The following TENM3 variants were observed in gnomAD, a reference collection of about 807,000 sequenced individuals.
TENM3 encodes teneurin-3.
TENM3 carries 63 observed loss-of-function variants against 255.1 expected under a neutral mutation model. The observed-to-expected ratio is 0.25, with a 90% confidence interval of 0.20 to 0.30. TENM3 has a LOEUF of 0.30. Among genes scored for constraint, TENM3 ranks in the 10% least tolerant of loss-of-function variants. TENM3 has a pLI of 1.00. For missense variants in TENM3, 2,929 were observed against 3,461.1 expected, an observed-to-expected ratio of 0.85 and a Z score of 3.86; for synonymous variants, 1,306 against 1,322.3, an observed-to-expected ratio of 0.99 and a Z score of 0.27.
intron 4 of TENM3, among the ~76,000 whole-genome samples, chr4:182,624,575 T>C (rs1379638982): frequency 6.6e-6 from 1 of 152,096 alleles, no homozygotes; most frequent in Admixed American, 6.5e-5. Context: ...CCAGCTCCCC[T>C]CAGGTTCTCC....
At chr4:182,371,078 C>A (rs1314337511) in intron 3 of TENM3, among the ~76,000 whole-genome samples, 1 of 152,084 alleles carries the variant, frequency 6.6e-6, no homozygotes, top group Non-Finnish European at 1.5e-5. Flanking sequence ...AGACTGTTAT[C>A]CTTTCTTTCT....
At chr4:182,745,248 T>C (rs1016624156) in intron 19 of TENM3, among the ~76,000 whole-genome samples, 1 of 152,184 alleles carries the variant, frequency 6.6e-6, no homozygotes, top group African/African-American at 2.4e-5. Context: ...TTTCCTGAGA[T>C]CCCCTATTGA....
At position 182,731,123 on chromosome 4, in the gene TENM3, T is replaced by C; in HGVS notation, c.2951T>C (p.Ile984Thr). 6.2e-7 allele frequency: 1 copy of C among 1,613,636 alleles called. No homozygotes were observed. The highest frequency in any genetic ancestry group is 8.5e-7 in the Non-Finnish European group (1 of 1,179,764). The change falls in exon 16 of 28, where the codon ATC becomes ACC. Residue 984 changes from isoleucine (I) to threonine (T), a missense_variant. This residue lies in a region of TENM3 where 1,608 missense variants were observed against 1,884.4 expected (regional missense o/e 0.85). Coordinates refer to ENST00000511685, the MANE Select transcript of TENM3 (RefSeq NM_001080477.4). ...FFRSSPEDSPIIPETQVLHEE... is the reference protein window; with the variant it reads ...FFRSSPEDSPTIPETQVLHEE... ...AGATCTTCTCCTGAAGACAGTCCCA[T>C]CATTCCCGAAACACAGGTAAAATAT...
At chr4:182,771,157 G>A (rs1764174682) in intron 22 of TENM3, among the ~76,000 whole-genome samples, 1 of 152,218 alleles carries the variant, frequency 6.6e-6, no homozygotes, top group Non-Finnish European at 1.5e-5. Context: ...GGAATGGAAT[G>A]TGTGGTAAGC....
the TENM3 span, among the ~76,000 whole-genome samples, chr4:182,100,822 CATATAT>C: frequency 1.9e-4 from 2 of 10,500 alleles, no homozygotes; most frequent in African/African-American, 8.3e-4. Flanking sequence ...TATATATACA[CATATAT>C]ATATATATAT....
chr4:181,791,563 T>C, the TENM3 span, among the ~76,000 whole-genome samples: 1 of 152,166 alleles, frequency 6.6e-6, no homozygotes, highest in South Asian at 2.1e-4. Flanking sequence ...ATAAAAGTAA[T>C]TGGTAATTTT....
intron 26 of TENM3, among the ~76,000 whole-genome samples, chr4:182,796,130 G>C (rs1302775255): frequency 6.6e-6 from 1 of 152,192 alleles, no homozygotes; most frequent in African/African-American, 2.4e-5. Context: ...ATTCATCTTT[G>C]ATTAAGAATC....
At chr4:182,223,627 A>G (rs1444250222) in intron 1 of TENM3, among the ~76,000 whole-genome samples, 1 of 152,178 alleles carries the variant, frequency 6.6e-6, no homozygotes, top group Non-Finnish European at 1.5e-5. Context: ...CTTTATATAA[A>G]TGAGAAAACT....
chr4:182,710,036 G>A (rs1003297516), intron 12 of TENM3, among the ~76,000 whole-genome samples: 1 of 152,130 alleles, frequency 6.6e-6, no homozygotes, highest in Non-Finnish European at 1.5e-5. Context: ...AAAATAATCT[G>A]ATTGGCTGAT....
chr4:181,661,881 A>G, the TENM3 span, among the ~76,000 whole-genome samples: 1 of 149,736 alleles, frequency 6.7e-6, no homozygotes, highest in African/African-American at 2.5e-5. Flanking sequence ...CACATTTGGC[A>G]GTGAGATAAG....
chr4:181,671,097 A>C, the TENM3 span, among the ~76,000 whole-genome samples: 1 of 152,164 alleles, frequency 6.6e-6, no homozygotes, highest in Non-Finnish European at 1.5e-5. Context: ...TTCCCCGTGA[A>C]AGTAAACGGT....
At chr4:182,489,250 A>G (rs79610956) in intron 3 of TENM3, among the ~76,000 whole-genome samples, 3,435 of 140,660 alleles carry the variant, frequency 0.024, 80 homozygotes, top group Non-Finnish European at 0.039. Flanking sequence ...GTGCTCTAAT[A>G]AAGGGAAAAT....
At chr4:182,785,567 G>A (rs1309770352) in intron 24 of TENM3, among the ~76,000 whole-genome samples, 1 of 151,240 alleles carries the variant, frequency 6.6e-6, no homozygotes, top group African/African-American at 2.4e-5. Context: ...AATTAGCCAG[G>A]CGTGGTGGCG....
chr4:182,771,553 G>A (rs903008761), intron 22 of TENM3, among the ~76,000 whole-genome samples: 3 of 151,812 alleles, frequency 2.0e-5, no homozygotes, highest in African/African-American at 4.8e-5. Context: ...GCATTCAAAA[G>A]GGCATTAATT....
chr4:182,070,408 C>T, the TENM3 span, among the ~76,000 whole-genome samples: 6 of 152,098 alleles, frequency 3.9e-5, no homozygotes, highest in Non-Finnish European at 5.9e-5. Context: ...CACTCGAGGT[C>T]GGGAGTTCAA....
chr4:182,294,896 C>A (rs74612511), intron 1 of TENM3, among the ~76,000 whole-genome samples: 1,594 of 152,146 alleles, frequency 0.01, 26 homozygotes, highest in African/African-American at 0.035. Flanking sequence ...TCTTAAAGCC[C>A]CTTGGTGCAA....
At chr4:182,652,694 T>G (rs1431602255) in intron 5 of TENM3, among the ~76,000 whole-genome samples, 1 of 152,220 alleles carries the variant, frequency 6.6e-6, no homozygotes, top group Non-Finnish European at 1.5e-5. Context: ...AAGGGCTTTT[T>G]GACAGTGGTA....
intron 3 of TENM3, among the ~76,000 whole-genome samples, chr4:182,433,346 G>A (rs1771805517): frequency 6.6e-6 from 1 of 152,166 alleles, no homozygotes; most frequent in Non-Finnish European, 1.5e-5. Flanking sequence ...TTTACAATAG[G>A]TGCTTGTGGG....
chr4:181,881,605 G>C, the TENM3 span, among the ~76,000 whole-genome samples: 2 of 151,946 alleles, frequency 1.3e-5, no homozygotes, highest in African/African-American at 4.8e-5. Flanking sequence ...TGACCCCCTT[G>C]GCTTATTTTG....
Sources: allele counts gnomAD v4.1 joint callset (sites outside exome capture counted in the v4.1 genomes callset), GRCh38; gene constraint gnomAD v4.1.1; regional missense constraint gnomAD v4.1.1; transcripts MANE v1.5; gene names NCBI Gene and HGNC (gene_info 2026-07-23, HGNC 2026-07-21).